The following CAND1 variants were observed in gnomAD, a reference collection of about 807,000 sequenced individuals.
CAND1 encodes the protein cullin associated and neddylation dissociated 1, also known as cullin-associated NEDD8-dissociated protein 1.
CAND1 carries 7 observed loss-of-function variants against 108.5 expected under a neutral mutation model. The ratio of observed to expected loss-of-function variants is 0.06; its 90% CI spans 0.04 to 0.12. The LOEUF is 0.12. Among genes scored for constraint, CAND1 ranks in the 10% least tolerant of loss-of-function variants. The pLI is 1.00. For synonymous variants in CAND1, 534 were observed against 512.0 expected (o/e 1.04, Z -0.58); for missense variants, 941 against 1,448.7 (o/e 0.65, Z 5.69).
chr12:67,315,593 T>G lies in CAND1; in HGVS notation c.*2763T>G, dbSNP rs998120277. 6.6e-6 allele frequency: 1 copy of G among 152,208 alleles called. No homozygotes were observed. Among genetic ancestry groups the G allele is most frequent in the Non-Finnish European group, 1.5e-5 (1 of 68,028 alleles). 9.4% of individuals were successfully genotyped at this position (152,208 alleles called of 1,614,324 possible). On this transcript the variant is annotated 3_prime_UTR_variant, in exon 15 of 15. Coordinates refer to ENST00000545606, the MANE Select transcript of CAND1 (RefSeq NM_018448.5). Reference sequence around the variant, plus strand: ...TTTATTAATGATATCTGAAAGCTGCTTAACCATTAGGAATTACAATTCTTT... The same window carrying G: ...TTTATTAATGATATCTGAAAGCTGCGTAACCATTAGGAATTACAATTCTTT...
At chr12:67,291,822 A>G (rs2044725124) in intron 2 of CAND1, among the ~76,000 whole-genome samples, 1 of 152,158 alleles carries the variant, frequency 6.6e-6, no homozygotes, top group Non-Finnish European at 1.5e-5. Context: ...TGGAACTTCC[A>G]TTGTAGAAAA....
chr12:67,275,101 T>C (rs767741725), intron 1 of CAND1, among the ~76,000 whole-genome samples: 1 of 152,118 alleles, frequency 6.6e-6, no homozygotes, highest in Middle Eastern at 3.2e-3. Flanking sequence ...TTTCTTGATA[T>C]ATACTATGCT....
chr12:67,296,634 C>A (rs1173765468), intron 4 of CAND1, among the ~76,000 whole-genome samples: 1 of 152,024 alleles, frequency 6.6e-6, no homozygotes, highest in Non-Finnish European at 1.5e-5. Context: ...AGGGTTTTAC[C>A]ATGTTGGCCA....
At chr12:67,294,477 A>G (rs1226220034) in intron 3 of CAND1, among the ~76,000 whole-genome samples, 1 of 152,218 alleles carries the variant, frequency 6.6e-6, no homozygotes, top group Non-Finnish European at 1.5e-5. Context: ...CTAGTCTACT[A>G]GAAAAGACTC....
At chr12:67,277,449 C>T (rs1455864007) in intron 1 of CAND1, among the ~76,000 whole-genome samples, 1 of 152,084 alleles carries the variant, frequency 6.6e-6, no homozygotes, top group African/African-American at 2.4e-5. Flanking sequence ...TCAGAAGGCA[C>T]ATTATAGCCT....
Position 67,306,026 on chromosome 12 carries a change from G to C in CAND1, c.2358G>C (p.Gln786His). ...LRMLTGPVYS[Q>H]STALTHKQSY... The stretch of plus-strand genomic sequence containing the variant: ...TGCTGACTGGTCCAGTTTACTCTCA[G>C]AGCACAGCTCTTACTCATAAGCAGT... The change falls in exon 10 of 15, where the codon CAG becomes CAC. Residue 786 changes from glutamine (Q) to histidine (H), a missense_variant. Coordinates refer to ENST00000545606, the MANE Select transcript of CAND1 (RefSeq NM_018448.5). 1 of 1,614,114 alleles carries C rather than the reference G, an allele frequency of 6.2e-7. No individual in the cohort carries two copies.
chr12:67,303,018 T>C (rs918139954), intron 8 of CAND1, among the ~76,000 whole-genome samples: 5 of 152,220 alleles, frequency 3.3e-5, no homozygotes, highest in Non-Finnish European at 5.9e-5. Flanking sequence ...CTTAGAAATA[T>C]CTACCTGTGG....
At position 67,281,920 on chromosome 12, in the gene CAND1, A is replaced by G; in HGVS notation, c.79A>G (p.Thr27Ala). 1.2e-6 allele frequency: 2 copies of G among 1,602,176 alleles called. No individual in the cohort carries two copies. Among genetic ancestry groups the G allele is most frequent in the South Asian group, 1.1e-5 (1 of 88,594 alleles). ...TTATTTTTTTGATAGGTTTATGGCT[A>G]CAAATGATTTGATGACGGAACTGCA... The part of the protein sequence containing the change: ...SSDKDFRFMA[T>A]NDLMTELQKD... Residue 27 changes from threonine to alanine, a missense_variant, in exon 2 of 15, where the codon ACA (threonine) becomes GCA (alanine). Physicochemically the swap from Thr to Ala is moderately conservative, Grantham distance 58. Around this residue, in one of 9 missense-constraint regions of CAND1, gnomAD observed 44 missense variants for 129.1 expected, o/e 0.34. Transcript: ENST00000545606.
intron 7 of CAND1, among the ~76,000 whole-genome samples, 171 bp from the exon 8 acceptor site, chr12:67,302,152 A>G (rs1424291705): frequency 6.6e-6 from 1 of 152,230 alleles, no homozygotes; most frequent in East Asian, 1.9e-4. Context: ...ATTTACAGAA[A>G]TAACAAGCTC....
chr12:67,272,627 A>G (rs2044531047), intron 1 of CAND1, among the ~76,000 whole-genome samples: 3 of 152,220 alleles, frequency 2.0e-5, no homozygotes. Flanking sequence ...ATGGGGAAGC[A>G]TTAGGATGAG....
chr12:67,305,016 A>G lies in CAND1; in HGVS notation c.1436-88A>G. On this transcript the variant is annotated intron_variant, in intron 9 of 14. Coordinates refer to ENST00000545606, the MANE Select transcript of CAND1 (RefSeq NM_018448.5). The surrounding 1 kb of genome is among the most constrained non-coding windows in gnomAD (Gnocchi z 4.4). Reference sequence around the variant, plus strand: ...ATAGAAATAATATAATGAAGTGGGAACATTAGCAGTACTATAGGGGTTGAT... The same window carrying G: ...ATAGAAATAATATAATGAAGTGGGAGCATTAGCAGTACTATAGGGGTTGAT... 9.4e-7 allele frequency: 1 copy of G among 1,067,524 alleles called. No homozygotes were observed. Among genetic ancestry groups the G allele is most frequent in the Non-Finnish European group, 1.3e-6 (1 of 744,006 alleles). 66.1% of individuals were successfully genotyped at this position (1,067,524 alleles called of 1,614,324 possible).
At chr12:67,298,773 A>C (rs1485193730) in intron 6 of CAND1, among the ~76,000 whole-genome samples, 177 bp from the exon 7 acceptor site, 2 of 152,204 alleles carry the variant, frequency 1.3e-5, no homozygotes, top group African/African-American at 4.8e-5. Flanking sequence ...GTACAATTTG[A>C]AAGGTAAACC....
rs548582072 is a variant in CAND1, at chr12:67,274,888, A to G, written c.68+5103A>G. Among the ~76,000 whole-genome samples, 9 of 152,354 alleles carry G rather than the reference A, an allele frequency of 5.9e-5. No individual in the cohort carries two copies. The South Asian group carries it at 1.2e-3, about 21-fold the overall frequency. ...GAAGGAACCTTAGAGATCCTATCAT[A>G]TAGCTGAAAGTACAGTGTGGGTGGG... On this transcript the variant is annotated intron_variant, in intron 1 of 14. Transcript: ENST00000545606.
Position 67,304,756 on chromosome 12 carries a change from A to C in CAND1, c.1435+10A>C. On this transcript the variant is annotated intron_variant, in intron 9 of 14. Coordinates refer to ENST00000545606, the MANE Select transcript of CAND1 (RefSeq NM_018448.5). Reference sequence around the variant, plus strand: ...CCTGTACTTGTACCAGGTATGAAAGAAACATAAATCTCTTTTGGGACTTAT... The same window carrying C: ...CCTGTACTTGTACCAGGTATGAAAGCAACATAAATCTCTTTTGGGACTTAT... The C allele has an allele frequency of 6.2e-7, 1 of 1,611,410 alleles. No individual in the cohort carries two copies. Among genetic ancestry groups the C allele is most frequent in the Non-Finnish European group, 8.5e-7 (1 of 1,179,274 alleles).
At chr12:67,273,642 C>G (rs993430873) in intron 1 of CAND1, among the ~76,000 whole-genome samples, 1 of 151,958 alleles carries the variant, frequency 6.6e-6, no homozygotes. Flanking sequence ...CACCACCACA[C>G]TCAGCTAATT....
intron 14 of CAND1, among the ~76,000 whole-genome samples, chr12:67,312,197 A>G (rs895397812): frequency 1.3e-5 from 2 of 151,856 alleles, no homozygotes; most frequent in Non-Finnish European, 2.9e-5. Context: ...AGAAGATGAA[A>G]CGGGCTTTGA....
At chr12:67,279,030 T>C (rs2044595923) in intron 1 of CAND1, among the ~76,000 whole-genome samples, 1 of 152,178 alleles carries the variant, frequency 6.6e-6, no homozygotes, top group Non-Finnish European at 1.5e-5. Flanking sequence ...TAGGTTCTTA[T>C]TACACAGTGT....
chr12:67,269,953 C>T (rs548421844), intron 1 of CAND1, 168 bp downstream of exon 1: 11 of 567,750 alleles, frequency 1.9e-5, no homozygotes, highest in African/African-American at 1.8e-4. Flanking sequence ...AGCCCCTTTC[C>T]TCTCCCCTCT....
chr12:67,295,194 G>C, intron 4 of CAND1, 38 bp downstream of exon 4: 1 of 1,545,496 alleles, frequency 6.5e-7, no homozygotes, highest in Non-Finnish European at 8.8e-7. Flanking sequence ...TCGTAATACA[G>C]ATAACTACAT....
Sources: gnomAD v4.1 joint callset for allele counts (sites outside exome capture counted in the v4.1 genomes callset) on GRCh38, gnomAD v4.1.1 for gene constraint, gnomAD v4.1.1 regional missense constraint, Gnocchi (gnomAD v3.1) non-coding constraint, MANE v1.5 for transcripts, NCBI Gene and HGNC (gene_info 2026-07-23, HGNC 2026-07-21) for gene names.